The following ZFHX3 variants were observed in gnomAD, a reference collection of about 807,000 sequenced individuals.
ZFHX3 encodes zinc finger homeobox 3, also known as zinc finger homeobox protein 3.
In ZFHX3, 42 loss-of-function variants were observed where a neutral mutation model predicts 279.1. The observed-to-expected ratio is 0.15, with a 90% CI of 0.12 to 0.19. ZFHX3 has a LOEUF of 0.19. ZFHX3 is among the 10% of genes least tolerant of loss of function. The pLI, the probability that ZFHX3 is intolerant of heterozygous loss-of-function variation, is 1.00. For synonymous variants in ZFHX3, 2,293 were observed against 1,957.8 expected (o/e 1.17, Z -4.52); for missense variants, 4,981 against 4,754.0 (o/e 1.05, Z -1.40).
intron 3 of ZFHX3, among the ~76,000 whole-genome samples, chr16:72,901,556 G>A (rs1597361564): frequency 6.6e-6 from 1 of 152,240 alleles, no homozygotes; most frequent in East Asian, 1.9e-4. Flanking sequence ...AAAGTGACGG[G>A]GCGAGGCAGA....
At chr16:73,800,886 G>T (rs536917649) in intron 1 of ZFHX3, among the ~76,000 whole-genome samples, 2 of 152,290 alleles carry the variant, frequency 1.3e-5, no homozygotes, top group East Asian at 1.9e-4. Flanking sequence ...TTTTGATGAT[G>T]ATTTCTGACA....
At chr16:73,175,250 C>T (rs1967635281) in intron 5 of ZFHX3, among the ~76,000 whole-genome samples, 1 of 151,832 alleles carries the variant, frequency 6.6e-6, no homozygotes, top group South Asian at 2.1e-4. Context: ...CATAGTGGCT[C>T]ATGCCTGTAA....
At position 72,898,813 on chromosome 16, in the gene ZFHX3, G is replaced by A. The variant is rs545534871; in HGVS notation, c.3217-8851C>T. On this transcript the variant is annotated intron_variant, in intron 3 of 9. Transcript: ENST00000268489. ...AGTAAATGCTATGCATGCATATGAT[G>A]GTGAATGAACACCCCCTACATCTTC... Among the ~76,000 whole-genome samples, 90 of 151,252 alleles carry A rather than the reference G, an allele frequency of 6.0e-4. No homozygotes were observed. The Middle Eastern group carries it at 0.014, about 24-fold the overall frequency.
chr16:73,271,354 C>T (rs1274884964), intron 4 of ZFHX3, among the ~76,000 whole-genome samples: 1 of 152,210 alleles, frequency 6.6e-6, no homozygotes, highest in Non-Finnish European at 1.5e-5. Flanking sequence ...CTCCCTGTGG[C>T]ACCCACTGGC....
chr16:73,246,034 C>T (rs1272360690), intron 5 of ZFHX3, among the ~76,000 whole-genome samples: 2 of 152,106 alleles, frequency 1.3e-5, no homozygotes, highest in Non-Finnish European at 2.9e-5. Flanking sequence ...CTGTTTCCTT[C>T]TCTTAGGATG....
chr16:72,870,838 C>A (rs574521999), intron 4 of ZFHX3, among the ~76,000 whole-genome samples: 1 of 151,546 alleles, frequency 6.6e-6, no homozygotes, highest in Non-Finnish European at 1.5e-5. Context: ...ACTATAATAA[C>A]CTAATAGTTT....
intron 1 of ZFHX3, among the ~76,000 whole-genome samples, chr16:73,754,424 C>T (rs2053788546): frequency 6.6e-6 from 1 of 152,068 alleles, no homozygotes; most frequent in African/African-American, 2.4e-5. Flanking sequence ...ATCTCAGTGG[C>T]CACAGACCAC....
At chr16:73,208,898 G>A (rs2011904911) in intron 5 of ZFHX3, among the ~76,000 whole-genome samples, 1 of 152,192 alleles carries the variant, frequency 6.6e-6, no homozygotes, top group Admixed American at 6.5e-5. Context: ...GAAATGCCAC[G>A]TGGCAGTAAC....
chr16:72,920,726 A>G (rs1018494742), intron 3 of ZFHX3, among the ~76,000 whole-genome samples: 1 of 151,988 alleles, frequency 6.6e-6, no homozygotes, highest in African/African-American at 2.4e-5. Context: ...TCTGTGTGTC[A>G]TCTGCAGACC....
At chr16:73,204,282 CTAT>C (rs1167574069) in intron 5 of ZFHX3, among the ~76,000 whole-genome samples, 5 of 150,172 alleles carry the variant, frequency 3.3e-5, no homozygotes, top group Admixed American at 6.7e-5. Flanking sequence ...ATTATTATTT[CTAT>C]TATTATTATA....
Position 72,787,698 on chromosome 16 carries a change from G to GCCGCCGCCGCCGCCGCCGCCGCCA in ZFHX3, c.10577_10578insTGGCGGCGGCGGCGGCGGCGGCGG (p.Gly3520_Gly3527dup), listed in dbSNP as rs2035471279. 1 of 1,315,058 alleles carries GCCGCCGCCGCCGCCGCCGCCGCCA rather than the reference G, an allele frequency of 7.6e-7. No individual in the cohort carries two copies. Among genetic ancestry groups the GCCGCCGCCGCCGCCGCCGCCGCCA allele is most frequent in the Non-Finnish European group, 9.9e-7 (1 of 1,005,210 alleles). The allele number at this position is 1,315,058 out of a possible 1,614,324, so 81.5% of individuals were successfully genotyped here. A position where few individuals can be genotyped will look rare whatever the true frequency, so the allele number is the denominator to read the frequency against. ...CGCACGCCAGGCAGTGGTACGAGCC[G>GCCGCCGCCGCCGCCGCCGCCGCCA]CCGCCGCCGCCGCCGCCGCCACCGC... On this transcript the variant is annotated inframe_insertion, in exon 10 of 10. Transcript: ENST00000268489.
chr16:72,874,691 G>A (rs1455393738), intron 4 of ZFHX3, among the ~76,000 whole-genome samples: 1 of 151,398 alleles, frequency 6.6e-6, no homozygotes, highest in African/African-American at 2.4e-5. Flanking sequence ...ACAGGGTCTC[G>A]CTGTGTTGCC....
chr16:73,671,010 A>G (rs2052899027), intron 2 of ZFHX3, among the ~76,000 whole-genome samples: 4 of 152,218 alleles, frequency 2.6e-5, no homozygotes, highest in South Asian at 4.1e-4. Context: ...AGAAACAGCT[A>G]TGGGCTCCAG....
intron 4 of ZFHX3, among the ~76,000 whole-genome samples, chr16:73,285,363 C>A (rs997300793): frequency 6.6e-6 from 1 of 152,200 alleles, no homozygotes; most frequent in Non-Finnish European, 1.5e-5. Flanking sequence ...TACTACCTAA[C>A]ACCAGGAGAG....
At chr16:72,964,371 CTATT>C (rs1961729081) in intron 1 of ZFHX3, among the ~76,000 whole-genome samples, 1 of 152,126 alleles carries the variant, frequency 6.6e-6, no homozygotes, top group Non-Finnish European at 1.5e-5. Context: ...TTCAAAGAAA[CTATT>C]TATAAGCATG....
At chr16:72,944,198 TCA>T (rs1596993305) in intron 3 of ZFHX3, among the ~76,000 whole-genome samples, 1 of 151,992 alleles carries the variant, frequency 6.6e-6, no homozygotes, top group East Asian at 1.9e-4. Flanking sequence ...GGTGGGAGAA[TCA>T]CTTGAGCCTG....
At chr16:73,719,131 C>T (rs1259142841) in intron 1 of ZFHX3, among the ~76,000 whole-genome samples, 1 of 152,194 alleles carries the variant, frequency 6.6e-6, no homozygotes, top group East Asian at 1.9e-4. Flanking sequence ...ATCTTGGTCA[C>T]TTTGAACTTT....
At chr16:73,486,106 A>T (rs1224740872) in intron 2 of ZFHX3, among the ~76,000 whole-genome samples, 2 of 152,264 alleles carry the variant, frequency 1.3e-5, no homozygotes, top group Non-Finnish European at 2.9e-5. Context: ...TTGAGGCAGC[A>T]GAATGGGTCT....
At chr16:73,692,669 A>C (rs963239293) in intron 1 of ZFHX3, among the ~76,000 whole-genome samples, 1 of 152,220 alleles carries the variant, frequency 6.6e-6, no homozygotes, top group African/African-American at 2.4e-5. Context: ...TTTGGGATCG[A>C]TACGTTAGAG....
Sources: allele counts gnomAD v4.1 joint callset (sites outside exome capture counted in the v4.1 genomes callset), GRCh38; gene constraint gnomAD v4.1.1; transcripts MANE v1.5; gene names NCBI Gene and HGNC (gene_info 2026-07-23, HGNC 2026-07-21).